Variants in TBC1D5 observed in about 807,000 individuals in gnomAD.
The protein encoded by TBC1D5 is TBC1 domain family member 5.
In TBC1D5, 75 loss-of-function variants were observed where a neutral mutation model predicts 100.3. That is an observed-to-expected ratio of 0.75 (90% CI 0.62 to 0.91). The LOEUF is 0.91. TBC1D5 is among the 40% of genes least tolerant of loss of function. The pLI, the probability that TBC1D5 is intolerant of heterozygous loss-of-function variation, is 0.00. For synonymous variants in TBC1D5, 323 were observed against 325.6 expected (o/e 0.99, Z 0.09); for missense variants, 910 against 942.4 (o/e 0.97, Z 0.45).
intron 13 of TBC1D5, among the ~76,000 whole-genome samples, chr3:17,328,883 T>G (rs2086528443): frequency 6.6e-6 from 1 of 152,186 alleles, no homozygotes; most frequent in African/African-American, 2.4e-5. Context: ...TATCGGTCAT[T>G]TGGTACAAAT....
intron 1 of TBC1D5, among the ~76,000 whole-genome samples, chr3:17,718,311 T>A (rs1214964321): frequency 2.6e-5 from 4 of 152,202 alleles, no homozygotes; most frequent in African/African-American, 9.6e-5. Flanking sequence ...AATTTACCAT[T>A]GTGGTCAGGC....
intron 2 of TBC1D5, among the ~76,000 whole-genome samples, chr3:17,590,933 T>C (rs1037544215): frequency 6.6e-6 from 1 of 151,782 alleles, no homozygotes; most frequent in Non-Finnish European, 1.5e-5. Flanking sequence ...AAAAGACTAA[T>C]TTGAATCATA....
At chr3:17,254,991 A>G (rs575389514) in intron 16 of TBC1D5, among the ~76,000 whole-genome samples, 1 of 152,330 alleles carries the variant, frequency 6.6e-6, no homozygotes, top group East Asian at 1.9e-4. Flanking sequence ...TACATGTGGG[A>G]CATCCAAGAG....
intron 2 of TBC1D5, among the ~76,000 whole-genome samples, chr3:17,526,910 T>C (rs1246721724): frequency 6.6e-6 from 1 of 152,156 alleles, no homozygotes; most frequent in African/African-American, 2.4e-5. Context: ...TCTCAACATG[T>C]CTGTTGAGGA....
chr3:17,400,768 C>T (rs1421978610), intron 8 of TBC1D5, among the ~76,000 whole-genome samples: 1 of 152,120 alleles, frequency 6.6e-6, no homozygotes, highest in Non-Finnish European at 1.5e-5. Context: ...AAAGAGCAGG[C>T]TTGCTGAATC....
chr3:17,321,741 G>A (rs1314858658), intron 13 of TBC1D5, among the ~76,000 whole-genome samples: 1 of 152,172 alleles, frequency 6.6e-6, no homozygotes, highest in African/African-American at 2.4e-5. Flanking sequence ...GTTCTTTCTT[G>A]AGGGTTGTTT....
At chr3:17,400,513 G>A (rs372711432) in intron 8 of TBC1D5, among the ~76,000 whole-genome samples, 1 of 152,248 alleles carries the variant, frequency 6.6e-6, no homozygotes, top group South Asian at 2.1e-4. Flanking sequence ...AATGTGGAGA[G>A]AGCCATGGGA....
intron 4 of TBC1D5, 29 bp downstream of exon 4, chr3:17,428,421 A>G (rs1338316150): frequency 3.6e-6 from 2 of 548,178 alleles, no homozygotes; most frequent in East Asian, 9.7e-5. Flanking sequence ...GTATATATAT[A>G]TATATATATA....
At chr3:17,336,120 T>G (rs1318921898) in intron 13 of TBC1D5, among the ~76,000 whole-genome samples, 1 of 152,056 alleles carries the variant, frequency 6.6e-6, no homozygotes, top group African/African-American at 2.4e-5. Context: ...ACATTAAAAT[T>G]TTATTAATTT....
At chr3:17,277,213 G>T (rs1470108536) in intron 15 of TBC1D5, among the ~76,000 whole-genome samples, 1 of 152,128 alleles carries the variant, frequency 6.6e-6, no homozygotes, top group African/African-American at 2.4e-5. Flanking sequence ...GTGAGTCTCA[G>T]ATATTCATAT....
intron 13 of TBC1D5, among the ~76,000 whole-genome samples, chr3:17,368,844 C>G (rs974908546): frequency 2.6e-5 from 4 of 151,990 alleles, no homozygotes; most frequent in Non-Finnish European, 5.9e-5. Flanking sequence ...ATTATGTAAT[C>G]TGAGAAAGCA....
chr3:17,252,098 A>C (rs2077229477), intron 16 of TBC1D5, among the ~76,000 whole-genome samples: 1 of 152,182 alleles, frequency 6.6e-6, no homozygotes, highest in African/African-American at 2.4e-5. Context: ...TCAAAATGTA[A>C]AATTCTTTCT....
chr3:17,354,832 A>G (rs754320317), intron 13 of TBC1D5, among the ~76,000 whole-genome samples: 10 of 152,080 alleles, frequency 6.6e-5, no homozygotes, highest in Non-Finnish European at 1.3e-4. Context: ...GAACTTATAC[A>G]CACAATTTAT....
At chr3:17,300,321 T>C (rs2082697556) in intron 14 of TBC1D5, among the ~76,000 whole-genome samples, 1 of 152,218 alleles carries the variant, frequency 6.6e-6, no homozygotes, top group African/African-American at 2.4e-5. Flanking sequence ...TTACCATATT[T>C]AAAATTTGTA....
intron 1 of TBC1D5, among the ~76,000 whole-genome samples, chr3:17,624,698 C>A (rs1042059007): frequency 7.2e-5 from 11 of 152,222 alleles, no homozygotes; most frequent in African/African-American, 2.4e-4. Context: ...TACTCTACAA[C>A]TTAAAAGCTC....
intron 19 of TBC1D5, among the ~76,000 whole-genome samples, chr3:17,169,042 A>C (rs576286381): frequency 4.9e-4 from 74 of 152,246 alleles, no homozygotes; most frequent in Middle Eastern, 6.8e-3. Context: ...TTTCTGCTCC[A>C]GTGTTGTTTC....
chr3:17,455,117 G>C (rs1287405302), intron 3 of TBC1D5, among the ~76,000 whole-genome samples: 4 of 144,812 alleles, frequency 2.8e-5, no homozygotes, highest in Non-Finnish European at 6.0e-5. Context: ...TGGAACCACA[G>C]AAGACTCAAA....
intron 3 of TBC1D5, among the ~76,000 whole-genome samples, chr3:17,504,385 T>C (rs1195260042): frequency 4.0e-5 from 6 of 151,376 alleles, no homozygotes; most frequent in Admixed American, 6.6e-5. Context: ...TGTATACATA[T>C]GTAACTAACC....
exon 9 of TBC1D5, chr3:17,384,005 T>C: frequency 6.3e-7 from 1 of 1,595,796 alleles, no homozygotes; most frequent in Non-Finnish European, 8.6e-7. Context: ...AAAAACTGCA[T>C]TTCAGGAAAC....
Sources: gnomAD v4.1 joint callset for allele counts (sites outside exome capture counted in the v4.1 genomes callset) on GRCh38, gnomAD v4.1.1 for gene constraint, MANE v1.5 for transcripts, NCBI Gene and HGNC (gene_info 2026-07-23, HGNC 2026-07-21) for gene names.